Variants in NDUFAF5 observed in about 807,000 individuals in gnomAD.
NDUFAF5 encodes arginine-hydroxylase NDUFAF5, mitochondrial.
NDUFAF5 carries 34 observed loss-of-function variants against 48.9 expected under a neutral mutation model. The ratio of observed to expected loss-of-function variants is 0.70; its 90% confidence interval spans 0.53 to 0.93. The LOEUF is 0.93. Ranked by LOEUF, NDUFAF5 falls within the 40% of genes least tolerant of loss-of-function variation. The probability of loss-of-function intolerance (pLI) is 0.00; values close to 1 mark genes in which losing one functional copy is unlikely to be tolerated. For missense variants in NDUFAF5, 428 were observed against 427.5 expected (o/e 1.00, Z -0.01); for synonymous variants, 153 against 150.6 (o/e 1.02, Z -0.12).
At chr20:13,794,640 T>C (rs1158199548) in intron 4 of NDUFAF5, among the ~76,000 whole-genome samples, 198 bp from the exon 5 acceptor site, 1 of 152,232 alleles carries the variant, frequency 6.6e-6, no homozygotes, top group Non-Finnish European at 1.5e-5. Flanking sequence ...TTGTTTCAAC[T>C]AGTTAGCCAT....
At chr20:13,799,064 G>T (rs1464220077) in intron 6 of NDUFAF5, among the ~76,000 whole-genome samples, 1 of 152,126 alleles carries the variant, frequency 6.6e-6, no homozygotes, top group African/African-American at 2.4e-5. Flanking sequence ...ATTCTAAGAA[G>T]GCAGAATCAC....
chr20:13,799,596 T>G (rs1276982993), intron 6 of NDUFAF5, among the ~76,000 whole-genome samples: 2 of 151,600 alleles, frequency 1.3e-5, no homozygotes, highest in Admixed American at 6.6e-5. Flanking sequence ...CTACTTGGGA[T>G]GCTGAGGCAG....
intron 8 of NDUFAF5, among the ~76,000 whole-genome samples, chr20:13,812,415 T>G (rs77801983): frequency 0.016 from 2,494 of 152,294 alleles, 74 homozygotes; most frequent in African/African-American, 0.055. Flanking sequence ...ATCCAAAGGC[T>G]TGAGAGATGA....
intron 8 of NDUFAF5, chr20:13,814,353 G>T: frequency 1.3e-6 from 1 of 782,372 alleles, no homozygotes; most frequent in Non-Finnish European, 1.9e-6. Flanking sequence ...TTTTACATTT[G>T]TGGTGTATTT....
chr20:13,818,353 C>G lies in NDUFAF5; in HGVS notation c.*1143C>G, dbSNP rs781363573. 7.8e-6 allele frequency: 3 copies of G among 385,156 alleles called. No individual in the cohort carries two copies. Among genetic ancestry groups the G allele is most frequent in the African/African-American group, 6.3e-5 (3 of 47,582 alleles). The allele number at this position is 385,156 out of a possible 1,614,324, so 23.9% of individuals were successfully genotyped here. On this transcript the variant is annotated 3_prime_UTR_variant, in exon 11 of 11. Coordinates refer to ENST00000378106, the MANE Select transcript of NDUFAF5 (RefSeq NM_024120.5). ...TGTTCCCTTCAGTTTGAAAAATCAT[C>G]GATATTTGAAACTGGGATACGCTTG...
Position 13,820,740 on chromosome 20 carries a change from A to T in NDUFAF5, c.*3530A>T, listed in dbSNP as rs1326723570. 2 of 152,196 alleles carry T rather than the reference A, an allele frequency of 1.3e-5. No individual in the cohort carries two copies. The highest frequency in any genetic ancestry group is 4.8e-5 in the African/African-American group (2 of 41,460). The allele number at this position is 152,196 out of a possible 1,614,324, so 9.4% of individuals were successfully genotyped here. On this transcript the variant is annotated 3_prime_UTR_variant, in exon 11 of 11. Transcript: ENST00000378106. ...TTTTGTATTGATTATGTATTCCTTA[A>T]GTAGGAGTGGAATAAAAGTATTTTA...
chr20:13,799,752 G>A (rs1255363483), intron 6 of NDUFAF5, among the ~76,000 whole-genome samples: 1 of 151,892 alleles, frequency 6.6e-6, no homozygotes, highest in African/African-American at 2.4e-5. Flanking sequence ...TAAATTGAAG[G>A]GAGACTGTTT....
chr20:13,814,350 T>A (rs1403318138), intron 8 of NDUFAF5: 7 of 763,460 alleles, frequency 9.2e-6, no homozygotes, highest in Admixed American at 2.4e-5. Flanking sequence ...GGATTTTACA[T>A]TTGTGGTGTA....
At position 13,803,984 on chromosome 20, in the gene NDUFAF5, C is replaced by G. The variant is rs566557785; in HGVS notation, c.717+2301C>G. On this transcript the variant is annotated intron_variant, in intron 7 of 10. Coordinates refer to ENST00000378106, the MANE Select transcript of NDUFAF5 (RefSeq NM_024120.5). ...TATTTTTAGTAGAGATGGGGTTTCA[C>G]CATGTTGGCCAGTCTGGTCTCGAAC... 2.6e-5 allele frequency among the ~76,000 whole-genome samples: 4 copies of G among 152,176 alleles called. No homozygotes were observed. The South Asian group carries it at 8.3e-4, about 32-fold the overall frequency.
intron 6 of NDUFAF5, among the ~76,000 whole-genome samples, chr20:13,800,123 C>G (rs778503208): frequency 6.6e-6 from 1 of 152,022 alleles, no homozygotes; most frequent in Non-Finnish European, 1.5e-5. Context: ...CTTTGGACTT[C>G]TGAGAAGATG....
In NDUFAF5 at chr20:13,785,875, A is replaced by G. The variant is rs532563508; in HGVS notation, c.222+585A>G. 1.4e-3 allele frequency among the ~76,000 whole-genome samples: 217 copies of G among 152,280 alleles called. 1 individual carries two copies. The highest frequency in any genetic ancestry group is 2.7e-3 in the Non-Finnish European group (182 of 68,032). ...ATATAAATTTAAATTTTTCAATTAA[A>G]ATTTCTCTCGTTTTTACTTTTTTTC... On this transcript the variant is annotated intron_variant, in intron 1 of 10. Coordinates refer to ENST00000378106, the MANE Select transcript of NDUFAF5 (RefSeq NM_024120.5).
intron 8 of NDUFAF5, 101 bp downstream of exon 8, chr20:13,809,003 CTT>C: frequency 2.5e-6 from 2 of 792,782 alleles, no homozygotes; most frequent in Non-Finnish European, 4.4e-6. Context: ...AGAGCCAGCT[CTT>C]TGGCAGGCAC....
intron 4 of NDUFAF5, among the ~76,000 whole-genome samples, chr20:13,793,576 T>G (rs1257826685): frequency 6.6e-6 from 1 of 152,234 alleles, no homozygotes; most frequent in East Asian, 1.9e-4. Context: ...TATATCATCT[T>G]TTTAAATGGC....
chr20:13,812,811 A>G (rs79471668), intron 8 of NDUFAF5, among the ~76,000 whole-genome samples: 1 of 152,372 alleles, frequency 6.6e-6, no homozygotes, highest in African/African-American at 2.4e-5. Flanking sequence ...ATGTATATTC[A>G]GCGAAATGTA....
intron 8 of NDUFAF5, chr20:13,816,050 G>A (rs137939963): frequency 3.4e-6 from 1 of 290,944 alleles, no homozygotes; most frequent in Non-Finnish European, 6.8e-6. Context: ...TTATGGCTTA[G>A]GAGTGAGGCA....
chr20:13,817,136 G>T lies in NDUFAF5; in HGVS notation c.964G>T (p.Gly322Cys). The T allele has an allele frequency of 6.2e-7, 1 of 1,613,862 alleles. No homozygotes were observed. The highest frequency in any genetic ancestry group is 8.5e-7 in the Non-Finnish European group (1 of 1,179,834). ...HESQARPAER[G>C]SATVSFGELG... Reference sequence around the variant, plus strand: ...TTTTCAGGCAAGACCAGCTGAAAGAGGTTCCGCAACTGTGTCATTTGGAGA... The same window carrying T: ...TTTTCAGGCAAGACCAGCTGAAAGATGTTCCGCAACTGTGTCATTTGGAGA... Residue 322 changes from glycine to cysteine, a missense_variant, in exon 11 of 11, where the codon GGT (glycine) becomes TGT (cysteine). Coordinates refer to ENST00000378106, the MANE Select transcript of NDUFAF5 (RefSeq NM_024120.5).
intron 6 of NDUFAF5, 32 bp downstream of exon 6, chr20:13,798,532 G>C: frequency 6.5e-7 from 1 of 1,528,100 alleles, no homozygotes; most frequent in South Asian, 1.1e-5. Flanking sequence ...CAACTATCTT[G>C]TGTTATTTTC....
In NDUFAF5 at chr20:13,820,971, T is replaced by C. The variant is rs1189628504; in HGVS notation, c.*3761T>C. 1 of 152,234 alleles carries C rather than the reference T, an allele frequency of 6.6e-6. No individual in the cohort carries two copies. Among genetic ancestry groups the C allele is most frequent in the Non-Finnish European group, 1.5e-5 (1 of 68,040 alleles). The allele number at this position is 152,234 out of a possible 1,614,324, so 9.4% of individuals were successfully genotyped here. ...TTCAGGAAATTTATCATAAGCAGAC[T>C]TGCCTTTTCAGATATTGGTATATTT... is the stretch of plus-strand genomic sequence containing the variant. On this transcript the variant is annotated 3_prime_UTR_variant, in exon 11 of 11. Coordinates refer to ENST00000378106, the MANE Select transcript of NDUFAF5 (RefSeq NM_024120.5).
chr20:13,785,231 CAG>C lies in NDUFAF5; in HGVS notation c.165_166del (p.Lys56GlufsTer13), dbSNP rs758513858. ...NIFDRDLKRK[Q>X]KNWAARQPEP... ...TTTCGACCGGGATTTGAAAAGGAAA[CAG>C]AAGAACTGGGCAGCCCGGCAGCCCG... On this transcript the variant is annotated frameshift_variant, in exon 1 of 11. Coordinates refer to ENST00000378106, the MANE Select transcript of NDUFAF5 (RefSeq NM_024120.5). LOFTEE classifies it high-confidence loss of function. The C allele has an allele frequency of 1.2e-6, 2 of 1,613,734 alleles. No homozygotes were observed. The highest frequency in any genetic ancestry group is 1.7e-6 in the Non-Finnish European group (2 of 1,179,848).
Sources: allele counts gnomAD v4.1 joint callset (sites outside exome capture counted in the v4.1 genomes callset), GRCh38; gene constraint gnomAD v4.1.1; transcripts MANE v1.5; gene names NCBI Gene and HGNC (gene_info 2026-07-23, HGNC 2026-07-21).